DST: variants seen among roughly 807,000 people sequenced by gnomAD.
DST encodes bullous pemphigoid antigen.
Under a neutral mutation model 875.2 loss-of-function variants are expected in DST, and 253 were observed. The ratio of observed to expected loss-of-function variants is 0.29; its 90% CI spans 0.26 to 0.32. DST has a LOEUF of 0.32. Among genes scored for constraint, DST ranks in the 10% least tolerant of loss-of-function variants. The pLI, the probability that DST is intolerant of heterozygous loss-of-function variation, is 1.00. For synonymous variants in DST, 3,124 were observed against 3,197.1 expected, an observed-to-expected ratio of 0.98 and a Z score of 0.77; for missense variants, 8,287 against 9,111.6, an observed-to-expected ratio of 0.91 and a Z score of 3.68.
intron 92 of DST, 117 bp downstream of exon 92, chr6:56,476,032 G>T: frequency 1.1e-6 from 1 of 887,296 alleles, no homozygotes; most frequent in Non-Finnish European, 1.7e-6. Context: ...AAGGAGCTGA[G>T]GAGTCTGAAG....
intron 36 of DST, 22 bp downstream of exon 36, chr6:56,624,508 G>C: frequency 4.1e-6 from 6 of 1,478,530 alleles, no homozygotes; most frequent in Non-Finnish European, 5.7e-6. Flanking sequence ...ATATTTACAG[G>C]GTGCTCACTG....
chr6:56,558,276 A>G (rs1463167100), intron 58 of DST, among the ~76,000 whole-genome samples: 1 of 152,072 alleles, frequency 6.6e-6, no homozygotes, highest in Non-Finnish European at 1.5e-5. Context: ...TATATAGTAG[A>G]TATGTATTTT....
At chr6:56,487,045 T>C (rs2095594238) in intron 87 of DST, 59 bp downstream of exon 87, 2 of 1,549,710 alleles carry the variant, frequency 1.3e-6, no homozygotes, top group Admixed American at 3.5e-5. Context: ...CAAAGCACCA[T>C]TACTGTGTAT....
At chr6:56,854,544 A>C (rs777730005) in intron 3 of DST, among the ~76,000 whole-genome samples, 28 of 152,222 alleles carry the variant, frequency 1.8e-4, no homozygotes, top group Non-Finnish European at 3.1e-4. Context: ...GAAATAATTC[A>C]TAAAGAATGA....
At chr6:56,842,856 T>C (rs1222438524) in intron 4 of DST, among the ~76,000 whole-genome samples, 1 of 152,116 alleles carries the variant, frequency 6.6e-6, no homozygotes, top group East Asian at 1.9e-4. Flanking sequence ...TAAGGGCGTC[T>C]CCGGACTGTC....
At chr6:56,901,522 G>A (rs550542736) in intron 2 of DST, among the ~76,000 whole-genome samples, 6 of 152,292 alleles carry the variant, frequency 3.9e-5, no homozygotes, top group Non-Finnish European at 5.9e-5. Flanking sequence ...TTGAACCTGG[G>A]AGGCAGAGGT....
intron 33 of DST, 88 bp downstream of exon 33, chr6:56,627,910 CT>C: frequency 7.5e-7 from 1 of 1,331,376 alleles, no homozygotes. Context: ...GAGTTGGTGA[CT>C]TTTTCATTTA....
chr6:56,549,235 T>C (rs1383804076), intron 61 of DST, among the ~76,000 whole-genome samples: 2 of 152,182 alleles, frequency 1.3e-5, no homozygotes, highest in East Asian at 1.9e-4. Flanking sequence ...AAAACTATTA[T>C]AGGATTTTAT....
intron 36 of DST, chr6:56,616,310 C>T (rs2098619321): frequency 6.2e-7 from 1 of 1,613,736 alleles, no homozygotes; most frequent in East Asian, 2.2e-5. Context: ...AGAAGAATGC[C>T]CATAGGATTC....
intron 4 of DST, among the ~76,000 whole-genome samples, chr6:56,839,446 T>C (rs997825409): frequency 1.3e-5 from 2 of 152,220 alleles, no homozygotes; most frequent in African/African-American, 4.8e-5. Context: ...CTATTATGAC[T>C]AGCTATAATA....
At chr6:56,914,540 A>G (rs180778372) in intron 2 of DST, among the ~76,000 whole-genome samples, 469 of 152,270 alleles carry the variant, frequency 3.1e-3, no homozygotes, top group Non-Finnish European at 5.3e-3. Flanking sequence ...CATATGCAAC[A>G]TAATTCCTCC....
chr6:56,869,326 A>G (rs796865325), intron 3 of DST, among the ~76,000 whole-genome samples: 31 of 152,362 alleles, frequency 2.0e-4, no homozygotes, highest in African/African-American at 7.5e-4. Context: ...CTTAGAGGCT[A>G]GAGCAATAGA....
At chr6:56,622,985 T>C (rs1232672636) in intron 36 of DST, among the ~76,000 whole-genome samples, 2 of 152,206 alleles carry the variant, frequency 1.3e-5, no homozygotes, top group Non-Finnish European at 2.9e-5. Context: ...ACACCAATCT[T>C]TTGAGTCTAA....
chr6:56,648,056 G>A (rs1270194121), intron 13 of DST, among the ~76,000 whole-genome samples: 1 of 152,114 alleles, frequency 6.6e-6, no homozygotes, highest in Non-Finnish European at 1.5e-5. Context: ...ATTAGCAAAT[G>A]TTTTACTAAA....
intron 2 of DST, among the ~76,000 whole-genome samples, chr6:56,903,484 G>C (rs995167734): frequency 3.3e-5 from 5 of 152,164 alleles, no homozygotes; most frequent in Non-Finnish European, 7.3e-5. Flanking sequence ...TTTTGAGACA[G>C]AATCTTGCTC....
chr6:56,871,512 G>A lies in DST; in HGVS notation c.418-19908C>T. On this transcript the variant is annotated intron_variant, in intron 3 of 103. Coordinates refer to ENST00000680361, the MANE Select transcript of DST (RefSeq NM_001374736.1). The stretch of plus-strand genomic sequence containing the variant: ...GAGTGATGCTGAACTTAAGGGCTTA[G>A]AGGTAGATTCTCTGGTCATTGAGCA... 4.8e-6 allele frequency: 7 copies of A among 1,446,256 alleles called. No homozygotes were observed. In the South Asian group the frequency reaches 5.7e-5, roughly 12 times the overall value. The allele number at this position is 1,446,256 out of a possible 1,614,324, so 89.6% of individuals were successfully genotyped here.
At chr6:56,743,057 C>T (rs1273673990) in intron 4 of DST, among the ~76,000 whole-genome samples, 4 of 152,130 alleles carry the variant, frequency 2.6e-5, no homozygotes, top group Admixed American at 1.3e-4. Context: ...AACAATAGAA[C>T]CCCTAATCTA....
chr6:56,788,430 C>T lies in DST; in HGVS notation c.626-53141G>A, dbSNP rs577407172. Among the ~76,000 whole-genome samples, 10 of 152,162 alleles carry T rather than the reference C, an allele frequency of 6.6e-5. No homozygotes were observed. In the South Asian group the frequency reaches 2.1e-3, roughly 32 times the overall value. On this transcript the variant is annotated intron_variant, in intron 4 of 103. Transcript: ENST00000680361. ...CTCCTGAACTCAAGTGATCTGCCCA[C>T]CTTGGCCTCCCAAAGTGCTTGGATT... is the stretch of plus-strand genomic sequence containing the variant.
Position 56,532,492 on chromosome 6 carries a change from C to T in DST, c.16960G>A (p.Asp5654Asn). 3 of 1,601,348 alleles carry T rather than the reference C, an allele frequency of 1.9e-6. No homozygotes were observed. The highest frequency in any genetic ancestry group is 2.6e-6 in the Non-Finnish European group (3 of 1,173,596). ...QEQKLLQRLL[D>N]DRKSTVEVIK... ...ACCTCCACCGTAGATTTTCGGTCAT[C>T]CAACAATCTCTGGAGAAGCTTGAGA... is the stretch of plus-strand genomic sequence containing the variant. Residue 5654 changes from aspartate to asparagine, a missense_variant, in exon 64 of 104, where the codon GAT becomes AAT. Asp to Asn is a conservative substitution (Grantham distance 23, BLOSUM62 1). Around this residue, in one of 10 missense-constraint regions of DST, gnomAD observed 777 missense variants for 764.8 expected, o/e 1.02. Transcript: ENST00000680361.
Sources: allele counts gnomAD v4.1 joint callset (sites outside exome capture counted in the v4.1 genomes callset), GRCh38; gene constraint gnomAD v4.1.1; regional missense constraint gnomAD v4.1.1; transcripts MANE v1.5; gene names NCBI Gene and HGNC (gene_info 2026-07-23, HGNC 2026-07-21).